Variants in VPS13A observed in about 807,000 individuals in gnomAD.
The protein encoded by VPS13A is intermembrane lipid transfer protein VPS13A.
A neutral mutation model predicts 390.9 loss-of-function variants in VPS13A; 264 were observed. The ratio of observed to expected loss-of-function variants is 0.68; its 90% CI spans 0.61 to 0.75. The LOEUF is 0.75. Among genes scored for constraint, VPS13A ranks in the 30% least tolerant of loss-of-function variants. The probability of loss-of-function intolerance (pLI) is 0.00; values close to 1 mark genes in which losing one functional copy is unlikely to be tolerated. For missense variants in VPS13A, 3,409 were observed against 3,733.9 expected (o/e 0.91, Z 2.27); for synonymous variants, 1,231 against 1,227.1 (o/e 1.00, Z -0.07).
intron 52 of VPS13A, among the ~76,000 whole-genome samples, chr9:77,346,105 T>C (rs12352780): frequency 0.2 from 30,605 of 152,112 alleles, 3,285 homozygotes; most frequent in Middle Eastern, 0.26. Flanking sequence ...CTGTTTTTCA[T>C]AGTGTTTGTA....
At chr9:77,200,424 G>A (rs149495749) in intron 2 of VPS13A, among the ~76,000 whole-genome samples, 2,841 of 152,334 alleles carry the variant, frequency 0.019, 43 homozygotes, top group Middle Eastern at 0.048. Flanking sequence ...AGGAGGTGGA[G>A]GCTGTAGTAA....
rs1392026684 is a variant in VPS13A, at chr9:77,260,352, T to C, written c.2427+128T>C. On this transcript the variant is annotated intron_variant, in intron 23 of 71. Coordinates refer to ENST00000360280, the MANE Select transcript of VPS13A (RefSeq NM_033305.3). ...TTTGAATAGACATTAAGAAAATTAC[T>C]TTTTTTTTTTTTTTTTTTTTTTGAG... The C allele has an allele frequency of 2.1e-5, 3 of 144,826 alleles. No homozygotes were observed. The East Asian group carries it at 5.6e-4, about 27-fold the overall frequency. 9.0% of individuals were successfully genotyped at this position (144,826 alleles called of 1,614,324 possible). A position where few individuals can be genotyped will look rare whatever the true frequency, so the allele number is the denominator to read the frequency against.
chr9:77,343,361 C>G (rs1211236531), intron 50 of VPS13A, among the ~76,000 whole-genome samples: 2 of 152,188 alleles, frequency 1.3e-5, no homozygotes, highest in Admixed American at 6.5e-5. Flanking sequence ...ACACTTAGCT[C>G]TAACAACCAG....
chr9:77,326,358 C>T (rs1454598231), intron 45 of VPS13A, among the ~76,000 whole-genome samples: 1 of 151,958 alleles, frequency 6.6e-6, no homozygotes, highest in Admixed American at 6.6e-5. Flanking sequence ...TTTGCCCTCT[C>T]TTCTCTCCTT....
At chr9:77,235,109 T>G (rs1164849572) in intron 17 of VPS13A, among the ~76,000 whole-genome samples, 9 of 152,354 alleles carry the variant, frequency 5.9e-5, no homozygotes, top group Admixed American at 2.0e-4. Context: ...CTGGCTTTCT[T>G]ATTTGCTTAT....
chr9:77,275,966 C>G, intron 25 of VPS13A, 99 bp from the exon 26 acceptor site: 3 of 1,213,970 alleles, frequency 2.5e-6, no homozygotes, highest in Non-Finnish European at 3.5e-6. Flanking sequence ...AATAATATAT[C>G]AATTGTATGT....
chr9:77,401,992 G>A (rs1834415271), intron 68 of VPS13A, among the ~76,000 whole-genome samples: 1 of 152,180 alleles, frequency 6.6e-6, no homozygotes, highest in African/African-American at 2.4e-5. Context: ...GCTCAGTGCT[G>A]TCTGTGGTTT....
chr9:77,359,184 T>G, intron 57 of VPS13A, 149 bp from the exon 58 acceptor site: 1 of 671,296 alleles, frequency 1.5e-6, no homozygotes, highest in African/African-American at 1.8e-5. Context: ...GAAATTAAGA[T>G]TGTAGTAGAT....
In VPS13A at chr9:77,314,675, T is replaced by C; in HGVS notation, c.4412+11T>C. The C allele has an allele frequency of 1.2e-6, 2 of 1,609,016 alleles. No homozygotes were observed. The highest frequency in any genetic ancestry group is 8.5e-7 in the Non-Finnish European group (1 of 1,176,024). On this transcript the variant is annotated intron_variant, in intron 37 of 71. Transcript: ENST00000360280. ...GAAAGCAACTCCTCGGTATGTATTGTAATGATGTTCTAAGGTTTTACTTGA... is the reference window on the plus strand; with the variant it reads ...GAAAGCAACTCCTCGGTATGTATTGCAATGATGTTCTAAGGTTTTACTTGA...
chr9:77,392,752 AAACTATATAT>A (rs1471311976), intron 68 of VPS13A, among the ~76,000 whole-genome samples: 67 of 150,320 alleles, frequency 4.5e-4, no homozygotes, highest in African/African-American at 1.6e-3. Flanking sequence ...TAACTATATA[AAACTATATAT>A]AACTATATAA....
intron 5 of VPS13A, among the ~76,000 whole-genome samples, chr9:77,208,992 C>G (rs1825827009): frequency 6.6e-6 from 1 of 152,118 alleles, no homozygotes; most frequent in Admixed American, 6.5e-5. Context: ...TTTGTATTTA[C>G]TGGGGGAGGA....
intron 68 of VPS13A, chr9:77,390,076 G>T (rs999474899): frequency 4.1e-6 from 4 of 985,266 alleles, no homozygotes; most frequent in Admixed American, 6.2e-5. Flanking sequence ...TGGAAGAAAG[G>T]TCTTACTATA....
Position 77,250,106 on chromosome 9 carries a change from A to G in VPS13A, c.2047A>G (p.Lys683Glu). 4.3e-6 allele frequency: 7 copies of G among 1,613,794 alleles called. No homozygotes were observed. Among genetic ancestry groups the G allele is most frequent in the South Asian group, 1.1e-5 (1 of 91,076 alleles). ...LDLGHLKVTS[K>E]SRSELPDVKQ... ...TAAAATTAACTTGAAGGTGACGAGT[A>G]AAAGTCGTTCTGAATTACCAGATGT... Residue 683 changes from lysine to glutamate, a missense_variant, in exon 21 of 72, where the codon AAA becomes GAA. Physicochemically the swap from Lys to Glu is moderately conservative, Grantham distance 56 (BLOSUM62 1). This residue lies in a region of VPS13A where 2,717 missense variants were observed against 2,917.4 expected (regional missense o/e 0.93). Coordinates refer to ENST00000360280, the MANE Select transcript of VPS13A (RefSeq NM_033305.3).
chr9:77,205,472 T>C, intron 4 of VPS13A, 64 bp downstream of exon 4: 2 of 761,244 alleles, frequency 2.6e-6, no homozygotes, highest in Non-Finnish European at 3.8e-6. Flanking sequence ...AAAATATTTA[T>C]ATTCAAAATA....
chr9:77,312,484 T>G (rs532361843), intron 35 of VPS13A, among the ~76,000 whole-genome samples: 1 of 151,832 alleles, frequency 6.6e-6, no homozygotes, highest in Non-Finnish European at 1.5e-5. Context: ...TGGAGTGCAG[T>G]GGTGTGGTCT....
intron 22 of VPS13A, among the ~76,000 whole-genome samples, chr9:77,255,203 G>A (rs569578030): frequency 1.6e-4 from 24 of 151,994 alleles, no homozygotes; most frequent in Non-Finnish European, 2.6e-4. Context: ...TTATGAAAAC[G>A]TGTTGAATTT....
At chr9:77,211,787 G>A (rs1313667607) in intron 7 of VPS13A, among the ~76,000 whole-genome samples, 1 of 152,164 alleles carries the variant, frequency 6.6e-6, no homozygotes, top group Admixed American at 6.5e-5. Flanking sequence ...GACCTGTTCA[G>A]TTAGAAACTC....
chr9:77,394,341 A>G (rs1042398616), intron 68 of VPS13A, among the ~76,000 whole-genome samples: 1 of 151,928 alleles, frequency 6.6e-6, no homozygotes, highest in Non-Finnish European at 1.5e-5. Flanking sequence ...TGCTGGAATT[A>G]TACACGTGAG....
intron 1 of VPS13A, among the ~76,000 whole-genome samples, chr9:77,181,541 CTG>C (rs1276968560): frequency 2.2e-5 from 3 of 136,904 alleles, no homozygotes; most frequent in Non-Finnish European, 4.7e-5. Context: ...AAAAAAGAAA[CTG>C]GATGCTGCAT....
Sources: gnomAD v4.1 joint callset for allele counts (sites outside exome capture counted in the v4.1 genomes callset) on GRCh38, gnomAD v4.1.1 for gene constraint, gnomAD v4.1.1 regional missense constraint, MANE v1.5 for transcripts, NCBI Gene and HGNC (gene_info 2026-07-23, HGNC 2026-07-21) for gene names.